TMEM25: variants seen among roughly 807,000 people sequenced by gnomAD.
TMEM25 encodes the protein 0610039J01Rik.
Under a neutral mutation model 37.0 loss-of-function variants are expected in TMEM25, and 36 were observed. That is an observed-to-expected ratio of 0.97 (90% CI 0.75 to 1.28). The LOEUF is 1.28. Ranked by LOEUF, TMEM25 falls within the 50% of genes most tolerant of loss-of-function variation. TMEM25 has a pLI of 0.00. For missense variants in TMEM25, 444 were observed against 477.9 expected (o/e 0.93, Z 0.66); for synonymous variants, 197 against 203.7 (o/e 0.97, Z 0.28).
At chr11:118,537,574 A>G (rs538018468), downstream of TMEM25, among the ~76,000 whole-genome samples, 102 of 152,102 alleles carry the variant, frequency 6.7e-4, 1 homozygote, top group African/African-American at 2.4e-3. Context: ...CTTCACCCAC[A>G]TTTTCTTCAC....
chr11:118,533,894 C>G lies in TMEM25; in HGVS notation c.836+7C>G. The G allele has an allele frequency of 6.2e-7, 1 of 1,614,144 alleles. No homozygotes were observed. ...ACCCATCTCTGATATCAAGGTAACT[C>G]TTCCTTGGGCTGGGTGGACAAGCCT... is the stretch of plus-strand genomic sequence containing the variant. On this transcript the variant is annotated splice_region_variant and intron_variant, in intron 6 of 8. Coordinates refer to ENST00000313236, the MANE Select transcript of TMEM25 (RefSeq NM_032780.4).
intron 8 of TMEM25, among the ~76,000 whole-genome samples, chr11:118,542,373 A>G (rs112702043): frequency 1.6e-4 from 24 of 152,318 alleles, no homozygotes; most frequent in African/African-American, 5.3e-4. Context: ...TCGTGACCCA[A>G]ACACCTCTTA....
chr11:118,533,335 G>A (rs879966360), intron 4 of TMEM25, 85 bp from the exon 5 acceptor site: 8 of 1,589,302 alleles, frequency 5.0e-6, no homozygotes, highest in African/African-American at 1.3e-5. Context: ...CAGCCACCCT[G>A]GGCAAGGAGG....
Position 118,532,387 on chromosome 11 carries a change from A to G in TMEM25, c.308A>G (p.His103Arg). The change falls in exon 3 of 9, where the codon CAT becomes CGT. Residue 103 changes from histidine to arginine, a missense_variant. His to Arg is a conservative substitution (Grantham distance 29). Coordinates refer to ENST00000313236, the MANE Select transcript of TMEM25 (RefSeq NM_032780.4). The part of the protein sequence containing the change: ...TFTVTAHRAQ[H>R]ELNCSLQDPR... ...ACTGTCACTGCCCATCGGGCCCAGCATGAGCTCAACTGCTCTCTGCAGGAC... is the reference window on the plus strand; with the variant it reads ...ACTGTCACTGCCCATCGGGCCCAGCGTGAGCTCAACTGCTCTCTGCAGGAC... 6.2e-7 allele frequency: 1 copy of G among 1,613,888 alleles called. No homozygotes were observed. Among genetic ancestry groups the G allele is most frequent in the Non-Finnish European group, 8.5e-7 (1 of 1,179,848 alleles).
At chr11:118,539,164 A>ATTTTTT (rs1160816224), downstream of TMEM25, among the ~76,000 whole-genome samples, 13 of 100,572 alleles carry the variant, frequency 1.3e-4, no homozygotes, top group East Asian at 6.4e-4. Context: ...TTGGTCATAA[A>ATTTTTT]TTTTTTTTTT....
chr11:118,543,498 A>T (rs930786482), intron 8 of TMEM25, among the ~76,000 whole-genome samples: 57 of 151,932 alleles, frequency 3.8e-4, no homozygotes, highest in African/African-American at 1.3e-3. Flanking sequence ...ATTATTATAT[A>T]TTTTTTTGAG....
At chr11:118,533,613 A>T in intron 5 of TMEM25, 62 bp downstream of exon 5, 1 of 1,610,850 alleles carries the variant, frequency 6.2e-7, no homozygotes, top group Non-Finnish European at 8.5e-7. Flanking sequence ...CCAAGACAGC[A>T]AGTGCAGCTG....
downstream of TMEM25, chr11:118,546,853 T>C (rs1325995369): frequency 6.6e-6 from 1 of 152,228 alleles, no homozygotes; most frequent in African/African-American, 2.4e-5. Context: ...AAAATGGGCA[T>C]GACATCTAAC....
In TMEM25 at chr11:118,534,738, T is replaced by C. The variant is rs45474901; in HGVS notation, c.*158T>C. 221,438 of 1,448,448 alleles carry C rather than the reference T, an allele frequency of 0.15. 20,949 individuals carry two copies. Among genetic ancestry groups the C allele is most frequent in the East Asian group, 0.46 (18,197 of 39,662 alleles). The allele number at this position is 1,448,448 out of a possible 1,614,324, so 89.7% of individuals were successfully genotyped here. The stretch of plus-strand genomic sequence containing the variant: ...GGTGCCCTCCATGTCATGCACGTGA[T>C]GCATTTCACTGGGCTGTAACCCGCA... On this transcript the variant is annotated 3_prime_UTR_variant, in exon 9 of 9. Transcript: ENST00000313236. This position sits in a 1 kb window ranked among gnomAD's most constrained non-coding sequence, Gnocchi z 4.6.
chr11:118,535,631 G>C lies in TMEM25; in HGVS notation c.*1051G>C. ...AATTCAACAGTGTGGAAGCTTTAGG[G>C]GAACATGGAGAAAGAAGGAGACCAC... On this transcript the variant is annotated 3_prime_UTR_variant, in exon 9 of 9. Coordinates refer to ENST00000313236, the MANE Select transcript of TMEM25 (RefSeq NM_032780.4). 1 of 1,527,432 alleles carries C rather than the reference G, an allele frequency of 6.5e-7. No individual in the cohort carries two copies. The highest frequency in any genetic ancestry group is 1.2e-5 in the South Asian group (1 of 83,282). The allele number at this position is 1,527,432 out of a possible 1,614,324, so 94.6% of individuals were successfully genotyped here. A position where few individuals can be genotyped will look rare whatever the true frequency, so the allele number is the denominator to read the frequency against.
At chr11:118,535,875 T>C, downstream of TMEM25, 1 of 1,073,540 alleles carries the variant, frequency 9.3e-7, no homozygotes, top group South Asian at 3.8e-5. Context: ...GTTTTTGTTT[T>C]TGTTTTATTT....
chr11:118,535,851 TC>T (rs1951499973), downstream of TMEM25: 1 of 1,172,542 alleles, frequency 8.5e-7, no homozygotes, highest in African/African-American at 1.6e-5. Context: ...CTGCTTCATT[TC>T]TTCTATTAAT....
chr11:118,541,668 C>T (rs995485929), intron 8 of TMEM25, among the ~76,000 whole-genome samples: 2 of 151,882 alleles, frequency 1.3e-5, no homozygotes, highest in South Asian at 4.2e-4. Flanking sequence ...GCATAGTATC[C>T]AATAGGTAGT....
chr11:118,534,107 T>C lies in TMEM25; in HGVS notation c.915T>C (p.Asn305=). The C allele has an allele frequency of 9.3e-6, 15 of 1,614,180 alleles. No homozygotes were observed. Among genetic ancestry groups the C allele is most frequent in the Non-Finnish European group, 1.3e-5 (15 of 1,180,018 alleles). The change falls in exon 7 of 9, where the codon AAT becomes AAC. Residue 305 remains asparagine, a synonymous_variant. Coordinates refer to ENST00000313236, the MANE Select transcript of TMEM25 (RefSeq NM_032780.4). The surrounding 1 kb of genome is among the most constrained non-coding windows in gnomAD (Gnocchi z 4.6). ...CCCTCCCGTCCAACCTTCAGCTCAA[T>C]GACCTCACTCCAGATTCCAGAGGTA... ...NMSLPSNLQL[N]DLTPDSRAVK...
chr11:118,531,901 C>A, intron 2 of TMEM25, 30 bp downstream of exon 2: 3 of 1,550,510 alleles, frequency 1.9e-6, no homozygotes, highest in Non-Finnish European at 1.7e-6. Flanking sequence ...TTGACCAAGT[C>A]CTTCTGGGTT....
intron 8 of TMEM25, chr11:118,545,626 T>C: frequency 9.5e-7 from 1 of 1,054,804 alleles, no homozygotes. Context: ...ACCCAGCAGG[T>C]AGTCACATAA....
intron 8 of TMEM25, chr11:118,545,779 A>G (rs782233464): frequency 1.2e-6 from 2 of 1,613,508 alleles, no homozygotes; most frequent in Non-Finnish European, 1.7e-6. Flanking sequence ...CGAGGAAAGG[A>G]AAGAGGAACT....
downstream of TMEM25, chr11:118,547,095 T>G (rs1252559626): frequency 1.3e-5 from 2 of 152,250 alleles, no homozygotes; most frequent in Non-Finnish European, 2.9e-5. Context: ...TACTGCAACC[T>G]AGCTATTCAA....
rs1951457757 is a variant in TMEM25 at position 118,534,668 on chromosome 11, TGAA to T, written c.*93_*95del. On this transcript the variant is annotated 3_prime_UTR_variant, in exon 9 of 9. Coordinates refer to ENST00000313236, the MANE Select transcript of TMEM25 (RefSeq NM_032780.4). This position sits in a 1 kb window ranked among gnomAD's most constrained non-coding sequence, Gnocchi z 4.6. ...CCTCTACCTAGCTAGGTCACCAACGTGAAGAAGTTATGCCACTGCCACTTTTGC... is the reference window on the plus strand; with the variant it reads ...CCTCTACCTAGCTAGGTCACCAACGTGAAGTTATGCCACTGCCACTTTTGC... The T allele has an allele frequency of 6.4e-7, 1 of 1,563,060 alleles. No individual in the cohort carries two copies. Among genetic ancestry groups the T allele is most frequent in the Non-Finnish European group, 8.7e-7 (1 of 1,152,740 alleles).
Sources: gnomAD v4.1 joint callset for allele counts (sites outside exome capture counted in the v4.1 genomes callset) on GRCh38, gnomAD v4.1.1 for gene constraint, Gnocchi (gnomAD v3.1) non-coding constraint, MANE v1.5 for transcripts, NCBI Gene and HGNC (gene_info 2026-07-23, HGNC 2026-07-21) for gene names.